The following CCDC148 variants were observed in gnomAD, a reference collection of about 807,000 sequenced individuals.
CCDC148 encodes the protein coiled-coil domain containing 148, also known as coiled-coil domain-containing protein 148.
In CCDC148, 89 loss-of-function variants were observed where a neutral mutation model predicts 85.7. The observed-to-expected ratio is 1.04, with a 90% CI of 0.87 to 1.24. CCDC148 has a LOEUF of 1.24. CCDC148 is among the 50% of genes most tolerant of loss of function. CCDC148 has a pLI of 0.00. For synonymous variants in CCDC148, 230 were observed against 213.9 expected, an observed-to-expected ratio of 1.08 and a Z score of -0.66; for missense variants, 692 against 671.7, an observed-to-expected ratio of 1.03 and a Z score of -0.33.
intron 13 of CCDC148, among the ~76,000 whole-genome samples, chr2:158,176,290 A>T (rs553371094): frequency 6.6e-6 from 1 of 152,208 alleles, no homozygotes; most frequent in Non-Finnish European, 1.5e-5. Flanking sequence ...CTTCAATGAC[A>T]GATTTATAAC....
intron 1 of CCDC148, among the ~76,000 whole-genome samples, chr2:158,364,278 A>G (rs776175871): frequency 2.6e-5 from 4 of 152,188 alleles, no homozygotes; most frequent in Non-Finnish European, 5.9e-5. Flanking sequence ...TCAAGCTACC[A>G]CTGACTTTCT....
rs1574352682 is a variant in CCDC148 at position 158,183,220 on chromosome 2, T to G, written c.1371-4224A>C. Among the ~76,000 whole-genome samples the G allele has an allele frequency of 2.0e-5, 3 of 152,264 alleles. No individual in the cohort carries two copies. The East Asian group carries it at 5.8e-4, about 29-fold the overall frequency. On this transcript the variant is annotated intron_variant, in intron 11 of 13. Coordinates refer to ENST00000283233, the MANE Select transcript of CCDC148 (RefSeq NM_138803.4). ...AGCACTAACAATAATCTGGAAAGGA[T>G]TTTATTTAAGCCTCCAGGCCTGAGT...
rs759665333 is a variant in CCDC148, at chr2:158,338,989, C to T, written c.582+1G>A. ...TAAATTATTAGCCACATCACACTTA[C>T]CTTTATACTCCAGTCTGAAAGATCA... On this transcript the variant is annotated splice_donor_variant, in intron 6 of 13. Coordinates refer to ENST00000283233, the MANE Select transcript of CCDC148 (RefSeq NM_138803.4). LOFTEE classifies it high-confidence loss of function. 1 of 1,611,824 alleles carries T rather than the reference C, an allele frequency of 6.2e-7. No homozygotes were observed. The highest frequency in any genetic ancestry group is 8.5e-7 in the Non-Finnish European group (1 of 1,178,210).
chr2:158,452,577 C>T (rs1234893440), intron 1 of CCDC148, among the ~76,000 whole-genome samples: 1 of 152,156 alleles, frequency 6.6e-6, no homozygotes, highest in African/African-American at 2.4e-5. Flanking sequence ...ACCCAGAAAA[C>T]ATCAGGACCA....
At chr2:158,215,857 T>C (rs1686823882) in intron 11 of CCDC148, among the ~76,000 whole-genome samples, 1 of 152,104 alleles carries the variant, frequency 6.6e-6, no homozygotes. Context: ...CACGCCCTTG[T>C]AAGAAAAGAC....
At chr2:158,334,871 T>C (rs978552182) in intron 7 of CCDC148, among the ~76,000 whole-genome samples, 2 of 152,176 alleles carry the variant, frequency 1.3e-5, no homozygotes, top group Non-Finnish European at 2.9e-5. Context: ...TCTTCATTTT[T>C]AAAGTTTGGC....
intron 7 of CCDC148, among the ~76,000 whole-genome samples, chr2:158,332,623 T>C (rs1693196995): frequency 6.6e-6 from 1 of 151,778 alleles, no homozygotes; most frequent in Non-Finnish European, 1.5e-5. Flanking sequence ...AGCTCCTCTT[T>C]GTACCTCTGG....
intron 9 of CCDC148, among the ~76,000 whole-genome samples, chr2:158,261,108 A>G (rs952062192): frequency 1.3e-5 from 2 of 152,078 alleles, no homozygotes; most frequent in Non-Finnish European, 2.9e-5. Flanking sequence ...ACATTACCTG[A>G]CTTCAAACTA....
chr2:158,199,386 A>G (rs1476168927), intron 11 of CCDC148, among the ~76,000 whole-genome samples: 3 of 152,088 alleles, frequency 2.0e-5, no homozygotes, highest in Non-Finnish European at 4.4e-5. Flanking sequence ...CTGGGATTAT[A>G]GGCATCCGCC....
chr2:158,189,582 T>C (rs1277556326), intron 11 of CCDC148, among the ~76,000 whole-genome samples: 1 of 151,920 alleles, frequency 6.6e-6, no homozygotes. Context: ...ATATTTATGA[T>C]AATATGGTGG....
At chr2:158,234,578 C>T (rs1688010313) in intron 10 of CCDC148, among the ~76,000 whole-genome samples, 1 of 152,018 alleles carries the variant, frequency 6.6e-6, no homozygotes. Context: ...GGAATCTATG[C>T]AAAGATTTAT....
chr2:158,336,284 C>A (rs996480743), intron 7 of CCDC148, among the ~76,000 whole-genome samples: 33 of 152,170 alleles, frequency 2.2e-4, no homozygotes, highest in Admixed American at 6.5e-5. Context: ...TAGCCACCAC[C>A]TCTGTATTTA....
At chr2:158,350,967 A>G (rs899867247) in intron 2 of CCDC148, among the ~76,000 whole-genome samples, 4 of 152,114 alleles carry the variant, frequency 2.6e-5, no homozygotes, top group African/African-American at 9.7e-5. Context: ...CCTACTGTGC[A>G]ATAGAACACC....
chr2:158,449,894 A>G (rs72927535), intron 1 of CCDC148, among the ~76,000 whole-genome samples: 7,213 of 152,286 alleles, frequency 0.047, 246 homozygotes, highest in Non-Finnish European at 0.062. Flanking sequence ...TATCACACCA[A>G]CAAAGTTCCC....
intron 1 of CCDC148, among the ~76,000 whole-genome samples, chr2:158,449,599 C>A (rs1415886142): frequency 6.6e-6 from 1 of 152,158 alleles, no homozygotes; most frequent in East Asian, 1.9e-4. Flanking sequence ...TAGGCACCCA[C>A]CACCATGCCA....
chr2:158,227,372 C>T (rs937379860), intron 10 of CCDC148, among the ~76,000 whole-genome samples: 2 of 151,742 alleles, frequency 1.3e-5, no homozygotes, highest in Admixed American at 1.3e-4. Context: ...GTGAAAATGG[C>T]CATACTGCCC....
intron 7 of CCDC148, among the ~76,000 whole-genome samples, chr2:158,327,281 C>T (rs752711565): frequency 1.6e-4 from 25 of 152,154 alleles, no homozygotes; most frequent in Admixed American, 1.3e-4. Flanking sequence ...TATAAAATAC[C>T]TGTTTTCTCC....
chr2:158,191,770 T>C (rs1212689217), intron 11 of CCDC148, among the ~76,000 whole-genome samples: 2 of 151,992 alleles, frequency 1.3e-5, no homozygotes, highest in Non-Finnish European at 2.9e-5. Flanking sequence ...ATTCAGCTTT[T>C]GGAATTGAGC....
chr2:158,176,118 C>G (rs1684569378), intron 13 of CCDC148, among the ~76,000 whole-genome samples: 2 of 151,852 alleles, frequency 1.3e-5, no homozygotes. Context: ...CTTTCCTCTG[C>G]TTTGTCATCA....
Sources: allele counts gnomAD v4.1 joint callset (sites outside exome capture counted in the v4.1 genomes callset), GRCh38; gene constraint gnomAD v4.1.1; transcripts MANE v1.5; gene names NCBI Gene and HGNC (gene_info 2026-07-23, HGNC 2026-07-21).